ZNF469: variants seen among roughly 807,000 people sequenced by gnomAD.
ZNF469 encodes the protein zinc finger protein 469.
A neutral mutation model predicts 1.0 loss-of-function variants in ZNF469; 1 was observed. That is an observed-to-expected ratio of 1.00 (90% CI 0.35 to 4.73). The LOEUF (loss-of-function observed/expected upper bound fraction) is 4.73, where lower values mean the gene tolerates loss of function less well. Among genes scored for constraint, ZNF469 ranks in the 30% most tolerant of loss-of-function variants. The pLI is 0.16. For missense variants in ZNF469, 6,100 were observed against 5,356.3 expected (o/e 1.14, Z -4.33); for synonymous variants, 2,703 against 2,363.4 (o/e 1.14, Z -4.17).
At chr16:88,345,690 G>A in the ZNF469 span, among the ~76,000 whole-genome samples, 8 of 152,190 alleles carry the variant, frequency 5.3e-5, no homozygotes, top group African/African-American at 9.6e-5. Flanking sequence ...AGGGAAGGGC[G>A]CTTTCCAAAG....
Position 88,428,005 on chromosome 16 carries a change from G to A in ZNF469, c.535G>A (p.Gly179Ser), listed in dbSNP as rs1416273781. The change falls in exon 3 of 3, where the codon GGC becomes AGC. Residue 179 changes from glycine to serine, a missense_variant. Physicochemically the swap from Gly to Ser is moderately conservative, Grantham distance 56 (BLOSUM62 0). Coordinates refer to ENST00000565624, the MANE Select transcript of ZNF469 (RefSeq NM_001367624.2). ...TEAQPAAEELGFHRCFQEPPS... is the reference protein window; with the variant it reads ...TEAQPAAEELSFHRCFQEPPS... The stretch of plus-strand genomic sequence containing the variant: ...GGCCCAACCCGCCGCCGAAGAGCTT[G>A]GCTTCCACAGGTGCTTCCAGGAGCC... The A allele has an allele frequency of 1.3e-6, 2 of 1,549,968 alleles. No homozygotes were observed. Among genetic ancestry groups the A allele is most frequent in the Admixed American group, 3.9e-5 (2 of 50,990 alleles).
At chr16:88,113,893 A>G in the ZNF469 span, among the ~76,000 whole-genome samples, 1 of 152,198 alleles carries the variant, frequency 6.6e-6, no homozygotes, top group African/African-American at 2.4e-5. Flanking sequence ...GTGTGAGGAA[A>G]GTTCTTGCCG....
At chr16:88,399,621 T>C (rs1904797596) in intron 1 of ZNF469, among the ~76,000 whole-genome samples, 1 of 152,114 alleles carries the variant, frequency 6.6e-6, no homozygotes, top group African/African-American at 2.4e-5. Context: ...TCCCAGCTGC[T>C]CAAAATCACC....
chr16:88,130,732 CACCTAATA>C, the ZNF469 span, among the ~76,000 whole-genome samples: 1 of 149,266 alleles, frequency 6.7e-6, no homozygotes, highest in African/African-American at 2.5e-5. Context: ...AAAAAAGAGG[CACCTAATA>C]AAAACGGCAG....
chr16:88,169,818 G>A, the ZNF469 span, among the ~76,000 whole-genome samples: 2 of 152,204 alleles, frequency 1.3e-5, no homozygotes, highest in South Asian at 2.1e-4. This position sits in a 1 kb window ranked among gnomAD's most constrained non-coding sequence, Gnocchi z 6.1. Flanking sequence ...CCCACCAGCG[G>A]TGCATGAGGG....
the ZNF469 span, among the ~76,000 whole-genome samples, chr16:88,254,980 A>G: frequency 6.6e-6 from 1 of 152,222 alleles, no homozygotes; most frequent in African/African-American, 2.4e-5. Flanking sequence ...GGTCTTATTT[A>G]ATTTCTCTCA....
At chr16:88,382,480 G>T (rs550547291), upstream of ZNF469, among the ~76,000 whole-genome samples, 59 of 152,308 alleles carry the variant, frequency 3.9e-4, no homozygotes, top group Admixed American at 6.5e-4. Flanking sequence ...GGCAATGTTA[G>T]CTCCCACCTA....
At chr16:88,263,220 G>A in the ZNF469 span, among the ~76,000 whole-genome samples, 4 of 152,306 alleles carry the variant, frequency 2.6e-5, no homozygotes, top group African/African-American at 9.6e-5. Context: ...GGCGTCCAGC[G>A]AAATGCCTCC....
At chr16:88,267,290 T>A in the ZNF469 span, among the ~76,000 whole-genome samples, 2 of 152,196 alleles carry the variant, frequency 1.3e-5, no homozygotes, top group Admixed American at 1.3e-4. Flanking sequence ...ATTCTTTCCC[T>A]GTGGCCCCGT....
At chr16:88,204,542 A>C in the ZNF469 span, among the ~76,000 whole-genome samples, 25 of 152,350 alleles carry the variant, frequency 1.6e-4, no homozygotes, top group African/African-American at 5.8e-4. Context: ...GAGGAGAGAA[A>C]AGATGTCTGA....
At chr16:88,212,809 C>T in the ZNF469 span, among the ~76,000 whole-genome samples, 1 of 151,926 alleles carries the variant, frequency 6.6e-6, no homozygotes, top group Non-Finnish European at 1.5e-5. Flanking sequence ...GTTTTGAACT[C>T]CTGGGCTCAA....
chr16:88,316,545 C>CTTTT, the ZNF469 span, among the ~76,000 whole-genome samples: 42 of 100,984 alleles, frequency 4.2e-4, 3 homozygotes, highest in African/African-American at 1.4e-3. Flanking sequence ...TAGGTGCTGT[C>CTTTT]TTTTTTTTTT....
chr16:88,409,265 G>A (rs1905084349), intron 1 of ZNF469, among the ~76,000 whole-genome samples: 1 of 152,260 alleles, frequency 6.6e-6, no homozygotes, highest in South Asian at 2.1e-4. Flanking sequence ...ATGATGACGA[G>A]GTCTCTTGGA....
rs1440676014 is a variant in ZNF469, at chr16:88,436,855, G to C, written c.9385G>C (p.Glu3129Gln). 6.5e-7 allele frequency: 1 copy of C among 1,529,340 alleles called. No individual in the cohort carries two copies. Among genetic ancestry groups the C allele is most frequent in the East Asian group, 2.5e-5 (1 of 40,692 alleles). The allele number at this position is 1,529,340 out of a possible 1,614,324, so 94.7% of individuals were successfully genotyped here. ...VCFQRFRSLG[E>Q]LDLHKLAHTP... is the part of the protein sequence containing the mutation. Reference sequence around the variant, plus strand: ...CTTCCAGCGCTTCCGCAGCCTGGGCGAGCTGGACCTGCACAAGCTGGCCCA... The same window carrying C: ...CTTCCAGCGCTTCCGCAGCCTGGGCCAGCTGGACCTGCACAAGCTGGCCCA... The change falls in exon 3 of 3, where the codon GAG becomes CAG. Residue 3129 changes from glutamate to glutamine, a missense_variant. Transcript: ENST00000565624.
At chr16:88,367,467 G>A in the ZNF469 span, among the ~76,000 whole-genome samples, 3 of 152,200 alleles carry the variant, frequency 2.0e-5, no homozygotes, top group African/African-American at 7.2e-5. Context: ...GTCATCCTTC[G>A]CCACCTTTTC....
chr16:88,355,177 A>G, the ZNF469 span, among the ~76,000 whole-genome samples: 3 of 152,170 alleles, frequency 2.0e-5, no homozygotes, highest in African/African-American at 7.2e-5. Context: ...TCTCAACTCT[A>G]CAACGAGACT....
At chr16:88,401,931 G>GATGGATGGATGC (rs1348398921) in intron 1 of ZNF469, among the ~76,000 whole-genome samples, 24 of 53,484 alleles carry the variant, frequency 4.5e-4, no homozygotes, top group South Asian at 7.6e-4. Context: ...TGGATGGATG[G>GATGGATGGATGC]ATAGATACGT....
chr16:88,402,501 T>G (rs1904910838), intron 1 of ZNF469, among the ~76,000 whole-genome samples: 1 of 151,854 alleles, frequency 6.6e-6, no homozygotes, highest in South Asian at 2.1e-4. Context: ...CTGGGCCAAG[T>G]TGTGTTTGAA....
At chr16:88,290,292 G>T in the ZNF469 span, among the ~76,000 whole-genome samples, 3 of 152,236 alleles carry the variant, frequency 2.0e-5, no homozygotes, top group Non-Finnish European at 2.9e-5. Flanking sequence ...TCTCAAAGTT[G>T]TCTCTTGGAC....
Sources: allele counts gnomAD v4.1 joint callset (sites outside exome capture counted in the v4.1 genomes callset), GRCh38; gene constraint gnomAD v4.1.1; non-coding constraint Gnocchi (gnomAD v3.1); transcripts MANE v1.5; gene names NCBI Gene and HGNC (gene_info 2026-07-23, HGNC 2026-07-21).